The following PPARG variants were observed in gnomAD, a reference collection of about 807,000 sequenced individuals.
PPARG encodes the protein peroxisome proliferator-activated receptor gamma.
In PPARG, 17 loss-of-function variants were observed where a neutral mutation model predicts 39.2. The ratio of observed to expected loss-of-function variants is 0.43; its 90% CI spans 0.30 to 0.65. The LOEUF (loss-of-function observed/expected upper bound fraction) is 0.65. Among genes scored for constraint, PPARG ranks in the 30% least tolerant of loss-of-function variants. PPARG has a pLI of 0.13. For synonymous variants in PPARG, 223 were observed against 215.7 expected, an observed-to-expected ratio of 1.03 and a Z score of -0.30; for missense variants, 406 against 585.9, an observed-to-expected ratio of 0.69 and a Z score of 3.17.
intron 4 of PPARG, among the ~76,000 whole-genome samples, chr3:12,382,565 C>T (rs2049715865): frequency 6.6e-6 from 1 of 151,804 alleles, no homozygotes; most frequent in East Asian, 1.9e-4. Flanking sequence ...GATGGTGGGC[C>T]AAAAAAGGAA....
chr3:12,409,845 G>A (rs569509888), intron 6 of PPARG, among the ~76,000 whole-genome samples: 2 of 152,244 alleles, frequency 1.3e-5, no homozygotes, highest in East Asian at 1.9e-4. Flanking sequence ...CGCCCTGCCC[G>A]CTCAGCATTT....
rs183605252 is a variant in PPARG at position 12,393,718 on chromosome 3, A to T, written c.529+966A>T. Among the ~76,000 whole-genome samples the T allele has an allele frequency of 1.0e-3, 153 of 152,202 alleles. 2 individuals carry two copies. Among genetic ancestry groups the T allele is most frequent in the African/African-American group, 3.2e-3 (134 of 41,536 alleles). On this transcript the variant is annotated intron_variant, in intron 5 of 7. Coordinates refer to ENST00000651735, the MANE Select transcript of PPARG (RefSeq NM_138711.6). ...TTTGTTTTCATCTCTCTCAAAACTG[A>T]TCTAGTAAGAAGGCAGTCTTCATCT...
At chr3:12,402,101 A>G (rs1022995504) in intron 5 of PPARG, among the ~76,000 whole-genome samples, 8 of 152,220 alleles carry the variant, frequency 5.3e-5, no homozygotes, top group African/African-American at 1.7e-4. Context: ...AAAGTTTTGC[A>G]TATGATTATA....
At chr3:12,324,256 G>A (rs537748761) in intron 2 of PPARG, among the ~76,000 whole-genome samples, 7 of 151,948 alleles carry the variant, frequency 4.6e-5, no homozygotes, top group Admixed American at 1.3e-4. Context: ...TCCAGGCTGG[G>A]CAACAGAGCA....
rs571606665 is a variant in PPARG, at chr3:12,366,206, G to A, written c.-8-13498G>A. Among the ~76,000 whole-genome samples the A allele has an allele frequency of 4.6e-5, 7 of 152,142 alleles. No individual in the cohort carries two copies. In the South Asian group the frequency reaches 1.2e-3, roughly 27 times the overall value. On this transcript the variant is annotated intron_variant, in intron 2 of 7. Coordinates refer to ENST00000651735, the MANE Select transcript of PPARG (RefSeq NM_138711.6). Reference sequence around the variant, plus strand: ...ATGAGGAAAATGTAATGTCTGTTTGGGGGTAATGTGTTTTTAATATTAAAT... The same window carrying A: ...ATGAGGAAAATGTAATGTCTGTTTGAGGGTAATGTGTTTTTAATATTAAAT...
intron 4 of PPARG, among the ~76,000 whole-genome samples, chr3:12,391,060 C>T (rs1179690335): frequency 6.6e-6 from 1 of 152,140 alleles, no homozygotes; most frequent in Non-Finnish European, 1.5e-5. Flanking sequence ...GAATCACAAA[C>T]TACCAGAGAT....
intron 1 of PPARG, among the ~76,000 whole-genome samples, chr3:12,307,937 G>A (rs1266534795): frequency 6.6e-6 from 1 of 152,114 alleles, no homozygotes; most frequent in Non-Finnish European, 1.5e-5. Flanking sequence ...AAGTAGATGT[G>A]TTATGAGTCA....
At chr3:12,308,343 CAAAAAAAAAAAA>C (rs57225468) in intron 1 of PPARG, among the ~76,000 whole-genome samples, 3 of 37,286 alleles carry the variant, frequency 8.0e-5, no homozygotes, top group East Asian at 2.3e-3. Flanking sequence ...GACCCTGTCT[CAAAAAAAAAAAA>C]AAAAAAAAAA....
chr3:12,310,905 T>G (rs2047223031), intron 1 of PPARG, among the ~76,000 whole-genome samples: 1 of 149,220 alleles, frequency 6.7e-6, no homozygotes, highest in African/African-American at 2.5e-5. Flanking sequence ...GCGGTTTCGC[T>G]GTGGGTGCTC....
intron 4 of PPARG, among the ~76,000 whole-genome samples, chr3:12,384,000 T>C (rs910250100): frequency 2.0e-5 from 3 of 152,016 alleles, no homozygotes; most frequent in African/African-American, 7.2e-5. Context: ...AGAAGAAAAC[T>C]AAGCGTATTG....
chr3:12,311,570 G>A (rs917267884), intron 1 of PPARG, among the ~76,000 whole-genome samples: 2 of 152,050 alleles, frequency 1.3e-5, no homozygotes, highest in East Asian at 3.9e-4. Flanking sequence ...AAATTAAAAG[G>A]TACAGATTTA....
intron 1 of PPARG, among the ~76,000 whole-genome samples, chr3:12,292,853 T>C (rs35958630): frequency 0.27 from 40,553 of 151,968 alleles, 5,836 homozygotes; most frequent in East Asian, 0.49. Flanking sequence ...TTCTCCCACC[T>C]TCTCTGGGCC....
At chr3:12,400,738 G>A (rs1453944742) in intron 5 of PPARG, among the ~76,000 whole-genome samples, 1 of 152,174 alleles carries the variant, frequency 6.6e-6, no homozygotes, top group East Asian at 1.9e-4. Context: ...AGAGAGCAGA[G>A]CATTTTCTTG....
intron 1 of PPARG, among the ~76,000 whole-genome samples, chr3:12,303,359 G>C (rs537996640): frequency 1.3e-5 from 2 of 152,198 alleles, no homozygotes; most frequent in Admixed American, 6.5e-5. Context: ...ACCACACCCG[G>C]CTAGTTTTTA....
chr3:12,415,721 C>T (rs905643031), intron 6 of PPARG, among the ~76,000 whole-genome samples: 5 of 152,250 alleles, frequency 3.3e-5, no homozygotes, highest in African/African-American at 1.2e-4. Context: ...CCTTCTATAT[C>T]TGCTCTTTGT....
intron 1 of PPARG, among the ~76,000 whole-genome samples, chr3:12,293,337 C>T (rs1458057512): frequency 1.3e-5 from 2 of 151,974 alleles, no homozygotes; most frequent in Admixed American, 1.3e-4. Context: ...TTGGTTTTAA[C>T]TATGTCACTA....
At chr3:12,318,898 G>A (rs2047463314) in intron 2 of PPARG, among the ~76,000 whole-genome samples, 1 of 151,684 alleles carries the variant, frequency 6.6e-6, no homozygotes. Flanking sequence ...TTGTTCTTCA[G>A]TCCAGATCCT....
At chr3:12,351,339 G>A in intron 2 of PPARG, 1 of 565,504 alleles carries the variant, frequency 1.8e-6, no homozygotes. Flanking sequence ...ACCAAGTCTT[G>A]CCAAAGCAGT....
Position 12,434,216 on chromosome 3 carries a change from C to A in PPARG, c.*71C>A. The A allele has an allele frequency of 6.3e-7, 1 of 1,593,166 alleles. No homozygotes were observed. The highest frequency in any genetic ancestry group is 1.1e-5 in the South Asian group (1 of 89,708). The stretch of plus-strand genomic sequence containing the variant: ...ACTATTCTGAGGGAAAATCTGACAC[C>A]TAAGAAATTTACTGTGAAAAAGCAT... On this transcript the variant is annotated 3_prime_UTR_variant, in exon 8 of 8. Coordinates refer to ENST00000651735, the MANE Select transcript of PPARG (RefSeq NM_138711.6). The surrounding 1 kb of genome is among the most constrained non-coding windows in gnomAD (Gnocchi z 4.2).
Sources: gnomAD v4.1 joint callset for allele counts (sites outside exome capture counted in the v4.1 genomes callset) on GRCh38, gnomAD v4.1.1 for gene constraint, Gnocchi (gnomAD v3.1) non-coding constraint, MANE v1.5 for transcripts, NCBI Gene and HGNC (gene_info 2026-07-23, HGNC 2026-07-21) for gene names.